MKLN1: variants seen among roughly 807,000 people sequenced by gnomAD.
MKLN1 encodes the protein muskelin 1.
A neutral mutation model predicts 99.0 loss-of-function variants in MKLN1; 18 were observed. That is an observed-to-expected ratio of 0.18 (90% CI 0.13 to 0.27). The LOEUF (loss-of-function observed/expected upper bound fraction) is 0.27. Ranked by LOEUF, MKLN1 falls within the 10% of genes least tolerant of loss-of-function variation. The pLI, the probability that MKLN1 is intolerant of heterozygous loss-of-function variation, is 1.00. For missense variants in MKLN1, 621 were observed against 875.9 expected, an observed-to-expected ratio of 0.71 and a Z score of 3.67; for synonymous variants, 288 against 293.2, an observed-to-expected ratio of 0.98 and a Z score of 0.18.
intron 2 of MKLN1, among the ~76,000 whole-genome samples, chr7:131,143,276 G>A (rs1795764394): frequency 6.6e-6 from 1 of 151,394 alleles, no homozygotes; most frequent in South Asian, 2.2e-4. Context: ...AGACCAGCCT[G>A]GTTAACATGG....
chr7:131,461,130 A>G (rs1369201541), intron 12 of MKLN1, among the ~76,000 whole-genome samples: 1 of 152,248 alleles, frequency 6.6e-6, no homozygotes, highest in South Asian at 2.1e-4. Context: ...ACTTTAAGTC[A>G]TTTCTAGGTT....
At chr7:131,228,554 T>A (rs1797191884) in intron 3 of MKLN1, among the ~76,000 whole-genome samples, 1 of 152,238 alleles carries the variant, frequency 6.6e-6, no homozygotes, top group African/African-American at 2.4e-5. Context: ...CCCTAATTCT[T>A]ATCCTTTCTC....
chr7:131,392,582 T>C (rs1794226598), intron 4 of MKLN1, among the ~76,000 whole-genome samples: 1 of 152,016 alleles, frequency 6.6e-6, no homozygotes, highest in African/African-American at 2.4e-5. Context: ...ATCTTGAATT[T>C]TTAGGATCTC....
chr7:131,112,381 T>A (rs1795214850), intron 1 of MKLN1, among the ~76,000 whole-genome samples: 1 of 152,228 alleles, frequency 6.6e-6, no homozygotes, highest in Admixed American at 6.5e-5. Flanking sequence ...TATCTATCCA[T>A]AGGAACCTTG....
rs199559073 is a variant in MKLN1, at chr7:131,454,182, AAAT to A, written c.1525+8282_1525+8284del. 6.0e-3 allele frequency among the ~76,000 whole-genome samples: 908 copies of A among 152,220 alleles called. 8 individuals are homozygous for A. The highest frequency in any genetic ancestry group is 0.021 in the African/African-American group (878 of 41,534). On this transcript the variant is annotated intron_variant, in intron 12 of 17. Transcript: ENST00000352689. ...TCATATACTTTTATAGATCCACAAA[AAAT>A]AAGCTATACAGAGATATTTATTGTA...
intron 3 of MKLN1, among the ~76,000 whole-genome samples, chr7:131,242,380 T>G (rs1487386929): frequency 6.6e-6 from 1 of 151,924 alleles, no homozygotes; most frequent in East Asian, 1.9e-4. Flanking sequence ...ACAAAAAATT[T>G]TAAAAATTAG....
chr7:131,487,836 A>G lies in MKLN1; in HGVS notation c.*108A>G. The G allele has an allele frequency of 7.7e-7, 1 of 1,290,882 alleles. No homozygotes were observed. The highest frequency in any genetic ancestry group is 1.1e-6 in the Non-Finnish European group (1 of 942,384). The allele number at this position is 1,290,882 out of a possible 1,614,324, so 80.0% of individuals were successfully genotyped here. A position where few individuals can be genotyped will look rare whatever the true frequency, so the allele number is the denominator to read the frequency against. On this transcript the variant is annotated 3_prime_UTR_variant, in exon 18 of 18. Transcript: ENST00000352689. This position sits in a 1 kb window ranked among gnomAD's most constrained non-coding sequence, Gnocchi z 4.7. ...AGCTGCAGTGATTGAGGACTGCACCAGAGTTCTGAAGGGATCTTAACCATC... is the reference window on the plus strand; with the variant it reads ...AGCTGCAGTGATTGAGGACTGCACCGGAGTTCTGAAGGGATCTTAACCATC...
At chr7:131,213,442 G>C (rs529315826) in intron 3 of MKLN1, among the ~76,000 whole-genome samples, 1 of 152,090 alleles carries the variant, frequency 6.6e-6, no homozygotes, top group African/African-American at 2.4e-5. Flanking sequence ...TTTAAATACC[G>C]GTCTTCTGGT....
At chr7:131,428,243 A>G (rs1025362089) in intron 8 of MKLN1, among the ~76,000 whole-genome samples, 4 of 152,208 alleles carry the variant, frequency 2.6e-5, no homozygotes, top group African/African-American at 7.2e-5. Context: ...TTCATTATTC[A>G]CTGAAGAAGA....
intron 3 of MKLN1, among the ~76,000 whole-genome samples, chr7:131,312,383 T>A (rs1798582655): frequency 6.6e-6 from 1 of 152,174 alleles, no homozygotes; most frequent in Non-Finnish European, 1.5e-5. Flanking sequence ...AAAGAGCAGA[T>A]TAATGCTCCA....
At chr7:131,193,800 A>T (rs1796602954) in intron 2 of MKLN1, among the ~76,000 whole-genome samples, 1 of 151,918 alleles carries the variant, frequency 6.6e-6, no homozygotes. Context: ...AAAAATTTTT[A>T]AATTTTTTGT....
intron 2 of MKLN1, among the ~76,000 whole-genome samples, chr7:131,172,397 G>A (rs182780596): frequency 1.3e-5 from 2 of 151,972 alleles, no homozygotes; most frequent in East Asian, 3.9e-4. Context: ...CTCACTGGAA[G>A]CTCCACCTTC....
At chr7:131,433,638 A>G (rs926372361) in intron 9 of MKLN1, among the ~76,000 whole-genome samples, 7 of 152,212 alleles carry the variant, frequency 4.6e-5, no homozygotes, top group Admixed American at 4.6e-4. Flanking sequence ...ACCTTGGCCA[A>G]AAATCAATTG....
intron 1 of MKLN1, among the ~76,000 whole-genome samples, chr7:131,366,545 T>C (rs1434910561): frequency 6.6e-6 from 1 of 152,182 alleles, no homozygotes; most frequent in East Asian, 1.9e-4. Flanking sequence ...GTGTGGTGGC[T>C]CATGCCTGTA....
intron 6 of MKLN1, 27 bp downstream of exon 6, chr7:131,399,460 G>A (rs1794465064): frequency 1.9e-6 from 3 of 1,577,968 alleles, no homozygotes; most frequent in Admixed American, 1.7e-5. Context: ...GGTTATTAGG[G>A]TAAATTCAAG....
intron 6 of MKLN1, among the ~76,000 whole-genome samples, chr7:131,401,660 A>T (rs369543662): frequency 2.6e-5 from 4 of 152,106 alleles, no homozygotes; most frequent in African/African-American, 9.7e-5. Context: ...AATTATAGGC[A>T]TATCTTGGAG....
At chr7:131,449,639 T>C (rs1182683019) in intron 12 of MKLN1, among the ~76,000 whole-genome samples, 2 of 151,710 alleles carry the variant, frequency 1.3e-5, no homozygotes, top group East Asian at 1.9e-4. Flanking sequence ...GAAATTATTC[T>C]CTTTTTTTCT....
chr7:131,183,318 CTTAAGTG>C (rs1796401824), intron 2 of MKLN1, among the ~76,000 whole-genome samples: 4 of 152,148 alleles, frequency 2.6e-5, no homozygotes, highest in African/African-American at 9.7e-5. Context: ...AACTCTGAGA[CTTAAGTG>C]CTTTCTGAGG....
chr7:131,212,364 T>C (rs1796918461), intron 3 of MKLN1, among the ~76,000 whole-genome samples: 1 of 152,178 alleles, frequency 6.6e-6, no homozygotes, highest in Non-Finnish European at 1.5e-5. Context: ...ATTCTCTTCC[T>C]ACCAGGAATC....
Sources: gnomAD v4.1 joint callset for allele counts (sites outside exome capture counted in the v4.1 genomes callset) on GRCh38, gnomAD v4.1.1 for gene constraint, Gnocchi (gnomAD v3.1) non-coding constraint, MANE v1.5 for transcripts, NCBI Gene and HGNC (gene_info 2026-07-23, HGNC 2026-07-21) for gene names.